The following SLC4A5 variants were observed in gnomAD, a reference collection of about 807,000 sequenced individuals.
SLC4A5 encodes the protein solute carrier family 4 member 5.
A neutral mutation model predicts 120.4 loss-of-function variants in SLC4A5; 96 were observed. That is an observed-to-expected ratio of 0.80 (90% CI 0.68 to 0.94). The LOEUF (loss-of-function observed/expected upper bound fraction) is 0.94, where lower values mean the gene tolerates loss of function less well. Among genes scored for constraint, SLC4A5 ranks in the 40% least tolerant of loss-of-function variants. The pLI is 0.00. For synonymous variants in SLC4A5, 550 were observed against 571.1 expected (o/e 0.96, Z 0.53); for missense variants, 1,259 against 1,459.5 (o/e 0.86, Z 2.24).
intron 15 of SLC4A5, among the ~76,000 whole-genome samples, chr2:74,252,732 G>A (rs977988131): frequency 3.3e-5 from 5 of 151,982 alleles, no homozygotes; most frequent in African/African-American, 7.3e-5. Context: ...GACTATAGGT[G>A]CATGCCACCA....
chr2:74,277,750 G>T (rs1558891452), intron 8 of SLC4A5, among the ~76,000 whole-genome samples: 1 of 151,986 alleles, frequency 6.6e-6, no homozygotes, highest in Non-Finnish European at 1.5e-5. Context: ...GACAGTAAGA[G>T]AAACTGAATC....
rs1671070721 is a variant in SLC4A5, at chr2:74,259,535, G to A, written c.867+53C>T. Reference sequence around the variant, plus strand: ...GGGGATCCCTGCTCCTGAAACCAAAGACTTTTTCCTGCCCTGGCCCTCCAT... The same window carrying A: ...GGGGATCCCTGCTCCTGAAACCAAAAACTTTTTCCTGCCCTGGCCCTCCAT... On this transcript the variant is annotated intron_variant, in intron 12 of 30. Coordinates refer to ENST00000394019, the Ensembl canonical transcript of SLC4A5. The A allele has an allele frequency of 6.0e-5, 96 of 1,589,294 alleles. 1 individual carries two copies. In the South Asian group the frequency reaches 1.0e-3, roughly 17 times the overall value.
chr2:74,218,689 C>T (rs900029782), exon 31 of SLC4A5: 2 of 152,678 alleles, frequency 1.3e-5, no homozygotes, highest in Non-Finnish European at 2.9e-5. Flanking sequence ...AAGTCATAGT[C>T]TGACTCCATC....
chr2:74,221,582 C>G, intron 29 of SLC4A5, 81 bp from the exon 30 acceptor site: 1 of 1,398,646 alleles, frequency 7.1e-7, no homozygotes, highest in South Asian at 1.2e-5. Context: ...CATTTCCTTT[C>G]TTTTCCTTCT....
chr2:74,224,063 T>G (rs912817693), intron 28 of SLC4A5, among the ~76,000 whole-genome samples: 1 of 152,266 alleles, frequency 6.6e-6, no homozygotes, highest in African/African-American at 2.4e-5. Flanking sequence ...ATTTTCTTAA[T>G]TCCTTCTTAG....
intron 8 of SLC4A5, among the ~76,000 whole-genome samples, chr2:74,281,684 A>G (rs1013031978): frequency 2.6e-5 from 4 of 152,176 alleles, no homozygotes; most frequent in African/African-American, 7.2e-5. Flanking sequence ...AAATCCCTCC[A>G]GGAGTGACTC....
At chr2:74,294,613 A>C (rs1320004550) in intron 7 of SLC4A5, among the ~76,000 whole-genome samples, 2 of 152,004 alleles carry the variant, frequency 1.3e-5, no homozygotes, top group African/African-American at 4.8e-5. Context: ...CGCTTCTTTC[A>C]TCTGACAGAG....
intron 8 of SLC4A5, among the ~76,000 whole-genome samples, chr2:74,272,569 AC>A (rs918457371): frequency 2.6e-5 from 4 of 152,194 alleles, no homozygotes; most frequent in African/African-American, 9.7e-5. Flanking sequence ...CAAAGCTTTA[AC>A]TTTTAGGGAT....
At chr2:74,242,820 T>G (rs536953440) in intron 19 of SLC4A5, among the ~76,000 whole-genome samples, 1 of 152,100 alleles carries the variant, frequency 6.6e-6, no homozygotes, top group African/African-American at 2.4e-5. Context: ...GCCTGGTTAA[T>G]TTTTTGTATT....
chr2:74,277,507 C>T (rs1467585091), intron 8 of SLC4A5, among the ~76,000 whole-genome samples: 2 of 152,176 alleles, frequency 1.3e-5, no homozygotes, highest in Non-Finnish European at 2.9e-5. Flanking sequence ...TGATATTGTG[C>T]CACTGCACTC....
At chr2:74,238,933 C>T (rs1174282041) in intron 21 of SLC4A5, among the ~76,000 whole-genome samples, 1 of 152,004 alleles carries the variant, frequency 6.6e-6, no homozygotes, top group Non-Finnish European at 1.5e-5. Flanking sequence ...ACATTTCTAC[C>T]CAGAATATAT....
At chr2:74,223,001 G>T in intron 28 of SLC4A5, 49 bp from the exon 29 acceptor site, 2 of 1,369,376 alleles carry the variant, frequency 1.5e-6, no homozygotes, top group Non-Finnish European at 1.0e-6. Context: ...ACAACAATTT[G>T]GCTTTCTTTT....
At chr2:74,232,484 T>C (rs1302140201) in exon 24 of SLC4A5, 3 of 1,613,766 alleles carry the variant, frequency 1.9e-6, no homozygotes, top group African/African-American at 1.3e-5. Context: ...TCCCAGAAAC[T>C]GGGGCTGCTC....
At chr2:74,283,369 C>T in intron 8 of SLC4A5, among the ~76,000 whole-genome samples, 1 of 152,194 alleles carries the variant, frequency 6.6e-6, no homozygotes, top group South Asian at 2.1e-4. Context: ...AATCGATCAG[C>T]ACCGTAAGTG....
chr2:74,304,404 C>T, intron 7 of SLC4A5, 85 bp downstream of exon 7: 1 of 1,368,158 alleles, frequency 7.3e-7, no homozygotes, highest in Non-Finnish European at 9.8e-7. Flanking sequence ...CCCACATTCT[C>T]CAGAAAATCC....
At chr2:74,264,150 T>C (rs757483384) in exon 10 of SLC4A5, 3 of 1,613,420 alleles carry the variant, frequency 1.9e-6, no homozygotes, top group Non-Finnish European at 2.5e-6. Flanking sequence ...GACTCACTTG[T>C]GGTGGAGACT....
chr2:74,337,858 T>C (rs528149707), intron 3 of SLC4A5, among the ~76,000 whole-genome samples: 2 of 152,328 alleles, frequency 1.3e-5, no homozygotes, highest in East Asian at 3.9e-4. Context: ...GAGCAGTAAA[T>C]TATGTGGTTA....
intron 7 of SLC4A5, 150 bp from the exon 8 acceptor site, chr2:74,286,052 C>T: frequency 1.2e-6 from 1 of 848,738 alleles, no homozygotes; most frequent in South Asian, 2.0e-5. Context: ...ATGCTGGCCT[C>T]CTGTAACCAT....
intron 7 of SLC4A5, among the ~76,000 whole-genome samples, chr2:74,288,152 GAAATCCAGATCTCTGACTTTTCTTGA>G (rs543577068): frequency 6.6e-6 from 1 of 152,222 alleles, no homozygotes; most frequent in African/African-American, 2.4e-5. Flanking sequence ...ATTTCATATA[GAAATCCAGATCTCTGACTTTTCTTGA>G]AAAGTCAGAT....
Sources: gnomAD v4.1 joint callset for allele counts (sites outside exome capture counted in the v4.1 genomes callset) on GRCh38, gnomAD v4.1.1 for gene constraint, MANE v1.5 for transcripts, NCBI Gene and HGNC (gene_info 2026-07-23, HGNC 2026-07-21) for gene names.